The following MAEL variants were observed in gnomAD, a reference collection of about 807,000 sequenced individuals.
The protein encoded by MAEL is maelstrom spermatogenic transposon silencer.
A neutral mutation model predicts 62.0 loss-of-function variants in MAEL; 46 were observed. The ratio of observed to expected loss-of-function variants is 0.74; its 90% CI spans 0.59 to 0.95. The LOEUF (loss-of-function observed/expected upper bound fraction) is 0.95, where lower values mean the gene tolerates loss of function less well. MAEL is among the 40% of genes least tolerant of loss of function. The probability of loss-of-function intolerance (pLI) is 0.00; values close to 1 mark genes in which losing one functional copy is unlikely to be tolerated. For missense variants in MAEL, 497 were observed against 526.8 expected (o/e 0.94, Z 0.55); for synonymous variants, 172 against 175.5 (o/e 0.98, Z 0.16).
intron 10 of MAEL, among the ~76,000 whole-genome samples, chr1:167,018,961 A>G (rs1665506953): frequency 6.6e-6 from 1 of 152,192 alleles, no homozygotes; most frequent in African/African-American, 2.4e-5. Context: ...ATTAAACTTC[A>G]TAGATGTGTA....
chr1:167,004,111 C>G (rs1664787473), intron 5 of MAEL, 69 bp from the exon 6 acceptor site: 2 of 1,363,350 alleles, frequency 1.5e-6, no homozygotes, highest in Middle Eastern at 1.9e-4. Flanking sequence ...CTTGTACCCC[C>G]ACTTCTATAC....
rs1466509481 is a variant in MAEL, at chr1:166,989,290, G to A, written c.-63G>A. On this transcript the variant is annotated 5_prime_UTR_variant, in exon 1 of 12. Transcript: ENST00000367872. ...GCGCCTACCTCTGTTACTTAGGGCG[G>A]GAGCCCGGCGAGGGCGCCGGTGCTT... 63 of 1,556,888 alleles carry A rather than the reference G, an allele frequency of 4.0e-5. No individual in the cohort carries two copies. The highest frequency in any genetic ancestry group is 5.3e-5 in the Non-Finnish European group (61 of 1,149,440).
chr1:167,016,172 T>G, intron 8 of MAEL, 50 bp from the exon 9 acceptor site: 2 of 1,501,900 alleles, frequency 1.3e-6, no homozygotes, highest in Non-Finnish European at 9.3e-7. Flanking sequence ...ATAAAAACCT[T>G]TAAGCAGTGC....
chr1:166,995,694 A>T (rs907767137), intron 5 of MAEL, among the ~76,000 whole-genome samples: 1 of 152,120 alleles, frequency 6.6e-6, no homozygotes, highest in Non-Finnish European at 1.5e-5. Flanking sequence ...AAAAATAAAA[A>T]AAAAATGGAA....
At chr1:166,989,889 C>G (rs890850165) in intron 2 of MAEL, 60 bp downstream of exon 2, 2 of 1,336,622 alleles carry the variant, frequency 1.5e-6, no homozygotes, top group Non-Finnish European at 2.1e-6. Context: ...TCAGTAAAGG[C>G]TGGATGAGTG....
intron 1 of MAEL, among the ~76,000 whole-genome samples, chr1:166,979,624 T>C (rs1663698873): frequency 6.6e-6 from 1 of 152,164 alleles, no homozygotes; most frequent in Non-Finnish European, 1.5e-5. Flanking sequence ...CACCACACTA[T>C]CTAGAAATTT....
chr1:166,984,525 A>C (rs959315875), upstream of MAEL, among the ~76,000 whole-genome samples: 11 of 152,340 alleles, frequency 7.2e-5, no homozygotes, highest in African/African-American at 2.4e-4. Context: ...CAATAAATAT[A>C]TACTATTTGT....
intron 8 of MAEL, among the ~76,000 whole-genome samples, chr1:167,011,085 T>C (rs1665153497): frequency 6.6e-6 from 1 of 152,166 alleles, no homozygotes; most frequent in Non-Finnish European, 1.5e-5. Flanking sequence ...GTCAGTGCTC[T>C]GATCTACTAG....
At chr1:167,015,745 T>G (rs1228272420) in intron 8 of MAEL, among the ~76,000 whole-genome samples, 1 of 152,242 alleles carries the variant, frequency 6.6e-6, no homozygotes, top group Non-Finnish European at 1.5e-5. Flanking sequence ...TATTATCTTT[T>G]TATTTTTAAA....
At chr1:166,995,448 A>G (rs1664383812) in intron 5 of MAEL, among the ~76,000 whole-genome samples, 1 of 152,034 alleles carries the variant, frequency 6.6e-6, no homozygotes, top group Non-Finnish European at 1.5e-5. Flanking sequence ...CATGTTGATC[A>G]GGCTGGTCTC....
rs754648577 is a variant in MAEL, at chr1:166,989,869, A to G, written c.225+40A>G. On this transcript the variant is annotated intron_variant, in intron 2 of 11. Transcript: ENST00000367872. Reference sequence around the variant, plus strand: ...AGAAGAGCCGCCATCTGCCTGGCACATAGGCATATTCAGTAAAGGCTGGAT... The same window carrying G: ...AGAAGAGCCGCCATCTGCCTGGCACGTAGGCATATTCAGTAAAGGCTGGAT... 5.4e-6 allele frequency: 8 copies of G among 1,492,644 alleles called. No individual in the cohort carries two copies. The South Asian group carries it at 5.9e-5, about 11-fold the overall frequency. The allele number at this position is 1,492,644 out of a possible 1,614,324, so 92.5% of individuals were successfully genotyped here.
At chr1:167,015,873 A>G (rs944652492) in intron 8 of MAEL, among the ~76,000 whole-genome samples, 3 of 152,084 alleles carry the variant, frequency 2.0e-5, no homozygotes, top group African/African-American at 2.4e-5. Context: ...AATAATTTCT[A>G]TTTTTTCAAT....
chr1:167,017,340 T>G (rs1665440067), intron 9 of MAEL, among the ~76,000 whole-genome samples: 1 of 152,156 alleles, frequency 6.6e-6, no homozygotes, highest in Admixed American at 6.6e-5. Context: ...CCATGTCACC[T>G]CTCCTAGCAA....
intron 10 of MAEL, among the ~76,000 whole-genome samples, chr1:167,020,104 A>T (rs1414651266): frequency 6.6e-6 from 1 of 152,122 alleles, no homozygotes; most frequent in African/African-American, 2.4e-5. Flanking sequence ...CAATTCATTT[A>T]TGCCTCCACT....
At chr1:167,009,580 ATTTCTGGAGATTTTT>A (rs1423526691) in intron 8 of MAEL, among the ~76,000 whole-genome samples, 1 of 135,938 alleles carries the variant, frequency 7.4e-6, no homozygotes, top group Non-Finnish European at 1.5e-5. Flanking sequence ...ATCAGGTTCT[ATTTCTGGAGATTTTT>A]TTTTTTTTTA....
chr1:167,005,387 A>G lies in MAEL; in HGVS notation c.835A>G (p.Ser279Gly). Residue 279 changes from serine to glycine, a missense_variant, in exon 8 of 12, where the codon AGC (serine) becomes GGC (glycine). Ser to Gly is a moderately conservative substitution (Grantham distance 56). Coordinates refer to ENST00000367872, the MANE Select transcript of MAEL (RefSeq NM_032858.3). The stretch of plus-strand genomic sequence containing the variant: ...AGATGTGGCCATGTGGGATTATTCT[A>G]GCAACACAAGGTATTGCTAGCATTT... The part of the protein sequence containing the change: ...LLDVAMWDYS[S>G]NTRCKWHEEN... 4.4e-6 allele frequency: 7 copies of G among 1,607,880 alleles called. No individual in the cohort carries two copies. Among genetic ancestry groups the G allele is most frequent in the Non-Finnish European group, 5.9e-6 (7 of 1,177,776 alleles).
Position 166,989,899 on chromosome 1 carries a change from G to A in MAEL, c.225+70G>A, listed in dbSNP as rs1000925267. 2.5e-6 allele frequency: 3 copies of A among 1,185,306 alleles called. No homozygotes were observed. In the African/African-American group the frequency reaches 4.6e-5, roughly 18 times the overall value. The allele number at this position is 1,185,306 out of a possible 1,614,324, so 73.4% of individuals were successfully genotyped here. A position where few individuals can be genotyped will look rare whatever the true frequency, so the allele number is the denominator to read the frequency against. ...CATATTCAGTAAAGGCTGGATGAGT[G>A]AATGAGTGAATGTCAAGGGTGGACT... On this transcript the variant is annotated intron_variant, in intron 2 of 11. Transcript: ENST00000367872.
chr1:166,989,436 T>A lies in MAEL; in HGVS notation c.84T>A (p.Pro28=). ...CCGAACTACGGCGACGAGGCCTGCC[T>A]GTGGCTCGCGTTGCTGATGCCATCC... is the stretch of plus-strand genomic sequence containing the variant. ...KIPELRRRGL[P]VARVADAIPY... Residue 28 remains proline, a synonymous_variant, in exon 1 of 12, where the codon CCT becomes CCA. Coordinates refer to ENST00000367872, the MANE Select transcript of MAEL (RefSeq NM_032858.3). 1 of 1,594,554 alleles carries A rather than the reference T, an allele frequency of 6.3e-7. No homozygotes were observed. Among genetic ancestry groups the A allele is most frequent in the Non-Finnish European group, 8.5e-7 (1 of 1,170,868 alleles).
chr1:167,006,282 T>A (rs964060785), intron 8 of MAEL, among the ~76,000 whole-genome samples: 1 of 152,146 alleles, frequency 6.6e-6, no homozygotes. Flanking sequence ...ATGTTGCACT[T>A]AGTTATTATA....
Sources: gnomAD v4.1 joint callset for allele counts (sites outside exome capture counted in the v4.1 genomes callset) on GRCh38, gnomAD v4.1.1 for gene constraint, MANE v1.5 for transcripts, NCBI Gene and HGNC (gene_info 2026-07-23, HGNC 2026-07-21) for gene names.